Variants in CEP128 observed in about 807,000 individuals in gnomAD.
The protein encoded by CEP128 is centrosomal protein 128, also known as centrosomal protein 128kDa.
A neutral mutation model predicts 156.7 loss-of-function variants in CEP128; 132 were observed. That is an observed-to-expected ratio of 0.84 (90% CI 0.73 to 0.97). The LOEUF is 0.97. Ranked by LOEUF, CEP128 falls within the 50% of genes least tolerant of loss-of-function variation. The probability of loss-of-function intolerance (pLI) is 0.00; values close to 1 mark genes in which losing one functional copy is unlikely to be tolerated. For synonymous variants in CEP128, 469 were observed against 448.9 expected (o/e 1.04, Z -0.57); for missense variants, 1,252 against 1,281.9 (o/e 0.98, Z 0.36).
chr14:80,730,860 A>G (rs139707804), intron 19 of CEP128, among the ~76,000 whole-genome samples: 1 of 152,300 alleles, frequency 6.6e-6, no homozygotes, highest in African/African-American at 2.4e-5. Context: ...GGTTGCATCC[A>G]ATAATATTAT....
intron 19 of CEP128, among the ~76,000 whole-genome samples, chr14:80,652,958 G>A (rs1894972781): frequency 6.6e-6 from 1 of 152,144 alleles, no homozygotes; most frequent in African/African-American, 2.4e-5. Context: ...ATTAATGATA[G>A]ACTGGATTAG....
intron 10 of CEP128, among the ~76,000 whole-genome samples, chr14:80,839,547 A>T (rs1284443957): frequency 1.3e-5 from 2 of 152,086 alleles, no homozygotes; most frequent in Non-Finnish European, 2.9e-5. Flanking sequence ...TATATATATA[A>T]AGCTGGTGAA....
intron 8 of CEP128, among the ~76,000 whole-genome samples, chr14:80,870,038 G>C (rs912654960): frequency 6.6e-6 from 1 of 151,940 alleles, no homozygotes; most frequent in Non-Finnish European, 1.5e-5. Flanking sequence ...AACTTACCAA[G>C]ACTGAGTCAC....
At chr14:80,757,670 A>G (rs1310477419) in intron 17 of CEP128, among the ~76,000 whole-genome samples, 1 of 152,164 alleles carries the variant, frequency 6.6e-6, no homozygotes, top group Non-Finnish European at 1.5e-5. Context: ...ATTTTTGAAG[A>G]CCTCTTTCTC....
In CEP128 at chr14:80,600,395, G is replaced by T. The variant is rs149630988; in HGVS notation, c.2807-19972C>A. Among the ~76,000 whole-genome samples, 378 of 152,282 alleles carry T rather than the reference G, an allele frequency of 2.5e-3. 3 individuals are homozygous for T. The highest frequency in any genetic ancestry group is 8.6e-3 in the African/African-American group (358 of 41,568). On this transcript the variant is annotated intron_variant, in intron 19 of 24. Transcript: ENST00000555265. ...TAATCTTGAAAGCAGTGAGAGAAAA[G>T]TGACTTATCACATAGAAGGGTTTTG...
rs1343546195 is a variant in CEP128, at chr14:80,733,200, C to G, written c.2806+9875G>C. ...TTCTCTCTTGCCTTAAGCTTGAACT[C>G]AGACTGGAACTTATACCATCACCTG... On this transcript the variant is annotated intron_variant, in intron 19 of 24. Coordinates refer to ENST00000555265, the MANE Select transcript of CEP128 (RefSeq NM_152446.5). Among the ~76,000 whole-genome samples, 4 of 152,174 alleles carry G rather than the reference C, an allele frequency of 2.6e-5. No individual in the cohort carries two copies. In the East Asian group the frequency reaches 7.7e-4, roughly 29 times the overall value.
At chr14:80,923,784 C>T (rs759918) in intron 2 of CEP128, among the ~76,000 whole-genome samples, 84,771 of 152,012 alleles carry the variant, frequency 0.56, 25,614 homozygotes, top group African/African-American at 0.79. Flanking sequence ...TTAGGCTTTG[C>T]GTCCCCACAC....
intron 12 of CEP128, among the ~76,000 whole-genome samples, chr14:80,832,875 A>G (rs917219331): frequency 1.3e-5 from 2 of 152,210 alleles, no homozygotes; most frequent in Admixed American, 1.3e-4. Flanking sequence ...AATTTATCCT[A>G]CAAACCAAGC....
At chr14:80,525,673 A>C (rs1006528398) in intron 23 of CEP128, among the ~76,000 whole-genome samples, 26 of 152,168 alleles carry the variant, frequency 1.7e-4, no homozygotes, top group African/African-American at 2.4e-5. Flanking sequence ...GAATATACGG[A>C]TCTATTAAAA....
chr14:80,770,622 T>C (rs1900465437), intron 16 of CEP128, among the ~76,000 whole-genome samples: 2 of 152,200 alleles, frequency 1.3e-5, no homozygotes, highest in Admixed American at 1.3e-4. Flanking sequence ...ATTTTATTAT[T>C]TTTATTATTG....
chr14:80,713,776 GA>G (rs1486876681), intron 19 of CEP128, among the ~76,000 whole-genome samples: 1 of 152,148 alleles, frequency 6.6e-6, no homozygotes, highest in Non-Finnish European at 1.5e-5. Flanking sequence ...GAGTAAAAGA[GA>G]AGGTTGGAAA....
At chr14:80,857,878 A>G (rs1467577840) in intron 9 of CEP128, among the ~76,000 whole-genome samples, 1 of 152,206 alleles carries the variant, frequency 6.6e-6, no homozygotes, top group East Asian at 1.9e-4. Context: ...ATCTCTCTTA[A>G]AGAAGAGACT....
intron 13 of CEP128, among the ~76,000 whole-genome samples, chr14:80,817,380 A>G (rs1024079280): frequency 2.2e-4 from 33 of 152,342 alleles, no homozygotes; most frequent in African/African-American, 7.7e-4. Flanking sequence ...AGGATACAAT[A>G]TAAAACAGCC....
At chr14:80,540,792 A>C (rs1889719911) in intron 21 of CEP128, among the ~76,000 whole-genome samples, 1 of 152,120 alleles carries the variant, frequency 6.6e-6, no homozygotes, top group Admixed American at 6.5e-5. Flanking sequence ...CAGTAGCAGA[A>C]ACTCTGAGAC....
chr14:80,620,733 T>G (rs1893443842), intron 19 of CEP128, among the ~76,000 whole-genome samples: 1 of 152,196 alleles, frequency 6.6e-6, no homozygotes, highest in South Asian at 2.1e-4. Flanking sequence ...CAAAGGAAAC[T>G]GATCCTAAGA....
At chr14:80,791,081 T>G (rs1320314130) in intron 14 of CEP128, among the ~76,000 whole-genome samples, 12 of 152,210 alleles carry the variant, frequency 7.9e-5, no homozygotes, top group Admixed American at 7.9e-4. Flanking sequence ...GAATTAAATA[T>G]CCCTTTGAAA....
At chr14:80,516,597 C>G (rs1888502671) in intron 23 of CEP128, among the ~76,000 whole-genome samples, 1 of 152,176 alleles carries the variant, frequency 6.6e-6, no homozygotes, top group Admixed American at 6.5e-5. Context: ...GGTGATGGGT[C>G]TAGCTAGAAT....
intron 23 of CEP128, among the ~76,000 whole-genome samples, chr14:80,517,776 T>C (rs569232754): frequency 5.0e-4 from 76 of 152,258 alleles, no homozygotes; most frequent in African/African-American, 1.7e-3. Flanking sequence ...CTAGAAGCTG[T>C]GGGTCATGGA....
intron 19 of CEP128, 32 bp downstream of exon 19, chr14:80,743,043 C>CA (rs1898911972): frequency 6.3e-7 from 1 of 1,597,200 alleles, no homozygotes; most frequent in African/African-American, 1.3e-5. Context: ...TAAATATAAA[C>CA]AAAGAAAAAT....
Sources: gnomAD v4.1 joint callset for allele counts (sites outside exome capture counted in the v4.1 genomes callset) on GRCh38, gnomAD v4.1.1 for gene constraint, MANE v1.5 for transcripts, NCBI Gene and HGNC (gene_info 2026-07-23, HGNC 2026-07-21) for gene names.